SLCO1B1: variants seen among roughly 807,000 people sequenced by gnomAD.
SLCO1B1 encodes solute carrier organic anion transporter family member 1B1, also known as OATP-2.
In SLCO1B1, 81 loss-of-function variants were observed where a neutral mutation model predicts 70.1. The observed-to-expected ratio is 1.16, with a 90% CI of 0.97 to 1.39. SLCO1B1 has a LOEUF of 1.39. Among genes scored for constraint, SLCO1B1 ranks in the 40% most tolerant of loss-of-function variants. SLCO1B1 has a pLI of 0.00. For synonymous variants in SLCO1B1, 283 were observed against 271.5 expected (o/e 1.04, Z -0.42); for missense variants, 895 against 799.6 (o/e 1.12, Z -1.44).
At chr12:21,146,329 C>T (rs1467165113) in intron 2 of SLCO1B1, among the ~76,000 whole-genome samples, 3 of 151,900 alleles carry the variant, frequency 2.0e-5, no homozygotes, top group Non-Finnish European at 2.9e-5. Flanking sequence ...TAATTTGTGC[C>T]TTCCCTCATC....
At chr12:21,186,885 G>A (rs1940968961) in intron 7 of SLCO1B1, among the ~76,000 whole-genome samples, 1 of 152,062 alleles carries the variant, frequency 6.6e-6, no homozygotes, top group Non-Finnish European at 1.5e-5. Context: ...GCAAAGGAAG[G>A]TGAGGGATCT....
intron 11 of SLCO1B1, among the ~76,000 whole-genome samples, chr12:21,209,682 A>T (rs61926209): frequency 2.7e-5 from 4 of 149,576 alleles, no homozygotes; most frequent in African/African-American, 5.1e-5. Context: ...CCAACAGTGT[A>T]AAAGTGTTCC....
chr12:21,195,645 G>A (rs906986739), intron 7 of SLCO1B1, among the ~76,000 whole-genome samples: 8 of 152,094 alleles, frequency 5.3e-5, no homozygotes, highest in African/African-American at 1.7e-4. Context: ...GTTTGTGGTC[G>A]AAATATTTCC....
chr12:21,152,532 G>GGTTTTTTTTTTTTTTTT (rs1321105425), intron 2 of SLCO1B1, among the ~76,000 whole-genome samples: 1 of 7,916 alleles, frequency 1.3e-4, no homozygotes, highest in Non-Finnish European at 6.1e-4. Context: ...GAGAGGAGAG[G>GGTTTTTTTTTTTTTTTT]CTTTTTTTTT....
chr12:21,193,154 A>G (rs560463709), intron 7 of SLCO1B1, among the ~76,000 whole-genome samples: 1 of 152,276 alleles, frequency 6.6e-6, no homozygotes, highest in South Asian at 2.1e-4. Flanking sequence ...TCTATTTGAA[A>G]AGAATATACA....
intron 12 of SLCO1B1, among the ~76,000 whole-genome samples, chr12:21,219,825 A>G (rs554122351): frequency 2.3e-5 from 3 of 131,694 alleles, no homozygotes; most frequent in Admixed American, 7.6e-5. Flanking sequence ...CAGTAGCACA[A>G]CCTTGGATTG....
At chr12:21,137,490 C>G (rs920067940) in intron 1 of SLCO1B1, among the ~76,000 whole-genome samples, 2 of 152,206 alleles carry the variant, frequency 1.3e-5, no homozygotes, top group Non-Finnish European at 2.9e-5. Context: ...CCAGTTCGAG[C>G]TTCCCAGCCG....
chr12:21,144,068 A>G (rs1376838509), intron 2 of SLCO1B1, among the ~76,000 whole-genome samples: 1 of 152,106 alleles, frequency 6.6e-6, no homozygotes, highest in African/African-American at 2.4e-5. Flanking sequence ...ACTACATTAC[A>G]TAGAACCTGC....
intron 2 of SLCO1B1, among the ~76,000 whole-genome samples, chr12:21,150,712 A>G (rs1940460044): frequency 6.6e-6 from 1 of 152,218 alleles, no homozygotes; most frequent in Non-Finnish European, 1.5e-5. Flanking sequence ...CAAAGACCAA[A>G]GGTAGATAAA....
rs1361345957 is a variant in SLCO1B1, at chr12:21,239,008, TAAGA to T, written c.1896_1899del (p.Arg633SerfsTer10). On this transcript the variant is annotated frameshift_variant, in exon 15 of 15. Transcript: ENST00000256958. LOFTEE classifies it low-confidence loss of function (END_TRUNC). ...GTCTACTTGGGCTTGTCTTCAATGT[TAAGA>T]GTCTCATCACTTGTTTTATATATTA... 6.3e-7 allele frequency: 1 copy of T among 1,582,880 alleles called. No homozygotes were observed. The highest frequency in any genetic ancestry group is 8.7e-7 in the Non-Finnish European group (1 of 1,154,346).
chr12:21,203,608 T>G (rs1184439365), intron 10 of SLCO1B1, among the ~76,000 whole-genome samples: 2 of 152,074 alleles, frequency 1.3e-5, no homozygotes, highest in African/African-American at 2.4e-5. Flanking sequence ...ATTGTGCTAT[T>G]CTTGGAGGCT....
chr12:21,156,602 T>A (rs907324879), intron 2 of SLCO1B1, among the ~76,000 whole-genome samples: 1 of 152,014 alleles, frequency 6.6e-6, no homozygotes, highest in African/African-American at 2.4e-5. Flanking sequence ...TCAGAAATTT[T>A]AAAAAATGCT....
intron 1 of SLCO1B1, among the ~76,000 whole-genome samples, chr12:21,132,723 T>G (rs921662430): frequency 6.6e-6 from 1 of 152,234 alleles, no homozygotes; most frequent in Admixed American, 6.5e-5. Flanking sequence ...TTGTAGATTT[T>G]GGGTATTAGC....
At chr12:21,210,164 G>C (rs1183528158) in intron 11 of SLCO1B1, among the ~76,000 whole-genome samples, 7 of 145,416 alleles carry the variant, frequency 4.8e-5, no homozygotes, top group East Asian at 4.3e-4. Flanking sequence ...TAATGCCTAG[G>C]TTTTCTTCTA....
At chr12:21,238,882 A>T (rs1345005594) in intron 14 of SLCO1B1, 97 bp from the exon 15 acceptor site, 4 of 664,078 alleles carry the variant, frequency 6.0e-6, no homozygotes, top group East Asian at 2.9e-5. Context: ...TTTATTTATA[A>T]TTTTTTTTCT....
intron 2 of SLCO1B1, among the ~76,000 whole-genome samples, chr12:21,147,043 C>A (rs1591798303): frequency 6.6e-6 from 1 of 152,044 alleles, no homozygotes; most frequent in East Asian, 1.9e-4. Context: ...ATAGTGTATT[C>A]ATTTATTTCT....
Position 21,212,099 on chromosome 12 carries a change from C to A in SLCO1B1, c.1498-5020C>A, listed in dbSNP as rs1941294439. Among the ~76,000 whole-genome samples, 6 of 143,022 alleles carry A rather than the reference C, an allele frequency of 4.2e-5. No individual in the cohort carries two copies. The South Asian group carries it at 1.3e-3, about 32-fold the overall frequency. 93.8% of individuals were successfully genotyped at this position (143,022 alleles called of 152,430 possible). A position where few individuals can be genotyped will look rare whatever the true frequency, so the allele number is the denominator to read the frequency against. On this transcript the variant is annotated intron_variant, in intron 11 of 14. Transcript: ENST00000256958. ...TCTGATTTTAGTTATTTCTTGCCTT[C>A]TGCTAGCTTTTGAATGTGTTTGCTC...
At chr12:21,233,226 CT>C (rs60500950) in intron 14 of SLCO1B1, among the ~76,000 whole-genome samples, 53,250 of 151,754 alleles carry the variant, frequency 0.35, 9,661 homozygotes, top group East Asian at 0.45. Flanking sequence ...CGACTCAGGC[CT>C]TTTTGAGCTT....
chr12:21,173,734 A>T (rs1452586063), intron 3 of SLCO1B1, among the ~76,000 whole-genome samples: 3 of 144,460 alleles, frequency 2.1e-5, no homozygotes. Context: ...GTTTATTGTT[A>T]TGCCTGAGGC....
Sources: allele counts gnomAD v4.1 joint callset (sites outside exome capture counted in the v4.1 genomes callset), GRCh38; gene constraint gnomAD v4.1.1; transcripts MANE v1.5; gene names NCBI Gene and HGNC (gene_info 2026-07-23, HGNC 2026-07-21).